Variants in ITGB5 observed in about 807,000 individuals in gnomAD.
The protein encoded by ITGB5 is integrin subunit beta 5.
In ITGB5, 38 loss-of-function variants were observed where a neutral mutation model predicts 84.8. That is an observed-to-expected ratio of 0.45 (90% CI 0.35 to 0.59). ITGB5 has a LOEUF of 0.59. Among genes scored for constraint, ITGB5 ranks in the 20% least tolerant of loss-of-function variants. The pLI is 0.01. For missense variants in ITGB5, 905 were observed against 1,034.5 expected, an observed-to-expected ratio of 0.87 and a Z score of 1.72; for synonymous variants, 393 against 414.4, an observed-to-expected ratio of 0.95 and a Z score of 0.63.
intron 1 of ITGB5, among the ~76,000 whole-genome samples, chr3:124,885,680 A>G (rs1441213125): frequency 6.6e-6 from 1 of 152,232 alleles, no homozygotes; most frequent in Admixed American, 6.5e-5. Flanking sequence ...CCATGAAAAT[A>G]TCCGTGATGG....
chr3:124,874,777 G>C (rs1934230495), intron 1 of ITGB5, among the ~76,000 whole-genome samples: 1 of 152,146 alleles, frequency 6.6e-6, no homozygotes, highest in Non-Finnish European at 1.5e-5. Flanking sequence ...TTCAATAAAT[G>C]GTTTTAGGAC....
rs1393234858 is a variant in ITGB5, at chr3:124,857,172, T to C, written c.361+2070A>G. On this transcript the variant is annotated intron_variant, in intron 3 of 14. Transcript: ENST00000296181. ...GACTTGGAGCTTTCTTTAAAAACTCTTGGTGCAGACCATACAATGATAACC... is the reference window on the plus strand; with the variant it reads ...GACTTGGAGCTTTCTTTAAAAACTCCTGGTGCAGACCATACAATGATAACC... 2.0e-5 allele frequency: 3 copies of C among 152,226 alleles called. No homozygotes were observed. The East Asian group carries it at 5.8e-4, about 29-fold the overall frequency. 9.4% of individuals were successfully genotyped at this position (152,226 alleles called of 1,614,324 possible).
Position 124,887,071 on chromosome 3 carries a change from G to T in ITGB5, c.-71C>A. On this transcript the variant is annotated 5_prime_UTR_variant, in exon 1 of 15. Transcript: ENST00000296181. ...GGGGCCGGCGGCCGGGGCTGGGGCCGGAGCGCGGGGGCCGAGGGCCGGGGG... is the reference window on the plus strand; with the variant it reads ...GGGGCCGGCGGCCGGGGCTGGGGCCTGAGCGCGGGGGCCGAGGGCCGGGGG... 3.3e-6 allele frequency: 2 copies of T among 614,604 alleles called. No individual in the cohort carries two copies. Among genetic ancestry groups the T allele is most frequent in the Non-Finnish European group, 4.1e-6 (2 of 491,788 alleles). The allele number at this position is 614,604 out of a possible 1,614,324, so 38.1% of individuals were successfully genotyped here.
chr3:124,860,177 A>C (rs2107618966), intron 2 of ITGB5, among the ~76,000 whole-genome samples: 1 of 152,338 alleles, frequency 6.6e-6, no homozygotes, highest in East Asian at 1.9e-4. Context: ...ACTCTATGTG[A>C]TATATACGGC....
intron 2 of ITGB5, among the ~76,000 whole-genome samples, chr3:124,865,565 C>A (rs1316899270): frequency 1.4e-5 from 2 of 142,032 alleles, no homozygotes; most frequent in African/African-American, 2.7e-5. Flanking sequence ...CCACTCACTG[C>A]AGCTTCAACT....
chr3:124,890,490 C>T (rs1013906805), upstream of ITGB5, among the ~76,000 whole-genome samples: 8 of 152,116 alleles, frequency 5.3e-5, no homozygotes, highest in East Asian at 1.9e-4. Flanking sequence ...TGAGCCACCG[C>T]GCCCGGCCTT....
chr3:124,883,758 T>C (rs1031942310), intron 1 of ITGB5, among the ~76,000 whole-genome samples: 1 of 152,370 alleles, frequency 6.6e-6, no homozygotes, highest in Admixed American at 6.5e-5. Flanking sequence ...ATCCTCTTTA[T>C]AAGACGGTGT....
intron 10 of ITGB5, among the ~76,000 whole-genome samples, chr3:124,796,025 C>A (rs1422726325): frequency 1.3e-5 from 2 of 152,186 alleles, no homozygotes; most frequent in Non-Finnish European, 1.5e-5. Flanking sequence ...GGACAGATGG[C>A]CACTGCCAGC....
intron 1 of ITGB5, among the ~76,000 whole-genome samples, chr3:124,881,212 G>C (rs1210780931): frequency 1.3e-5 from 2 of 152,078 alleles, no homozygotes; most frequent in African/African-American, 4.8e-5. Context: ...TCGAACTCCT[G>C]ACCTCAGGTA....
chr3:124,812,570 G>GC lies in ITGB5; in HGVS notation c.1129-3415dup, dbSNP rs3836314. ...CCTTTCTGGGTGCAACATGAGGCCAGCCCCCTCTGCACGTGTGGACCCAGG... is the reference window on the plus strand; with the variant it reads ...CCTTTCTGGGTGCAACATGAGGCCAGCCCCCCTCTGCACGTGTGGACCCAGG... On this transcript the variant is annotated intron_variant, in intron 8 of 14. Coordinates refer to ENST00000296181, the MANE Select transcript of ITGB5 (RefSeq NM_002213.5). 5.4e-3 allele frequency among the ~76,000 whole-genome samples: 823 copies of GC among 152,302 alleles called. 45 individuals are homozygous for GC. In the East Asian group the frequency reaches 0.12, roughly 22 times the overall value.
In ITGB5 at chr3:124,873,475, G is replaced by A; in HGVS notation, c.127C>T (p.His43Tyr). 3 of 1,613,680 alleles carry A rather than the reference G, an allele frequency of 1.9e-6. No individual in the cohort carries two copies. Among genetic ancestry groups the A allele is most frequent in the Non-Finnish European group, 2.5e-6 (3 of 1,179,690 alleles). Residue 43 changes from histidine (H) to tyrosine (Y), a missense_variant, in exon 2 of 15, where the codon CAC becomes TAC. Coordinates refer to ENST00000296181, the MANE Select transcript of ITGB5 (RefSeq NM_002213.5). Reference protein sequence around the residue: ...ATSCEECLLIHPKCAWCSKED... With the variant: ...ATSCEECLLIYPKCAWCSKED... ...TTGGAGCACCAGGCACATTTTGGGT[G>A]GATTAGCAGACATTCTTCACATGAG...
intron 9 of ITGB5, among the ~76,000 whole-genome samples, chr3:124,805,594 G>A (rs953353709): frequency 6.6e-6 from 1 of 152,124 alleles, no homozygotes; most frequent in Non-Finnish European, 1.5e-5. Context: ...TGGGACCACA[G>A]GTGTGCGCTA....
chr3:124,870,885 C>T (rs1054589460), intron 2 of ITGB5, among the ~76,000 whole-genome samples: 3 of 151,950 alleles, frequency 2.0e-5, no homozygotes, highest in African/African-American at 7.3e-5. Flanking sequence ...TGAGGTTAAA[C>T]TGATTAATTT....
chr3:124,858,281 C>G (rs990924326), intron 3 of ITGB5, among the ~76,000 whole-genome samples: 3 of 152,088 alleles, frequency 2.0e-5, no homozygotes, highest in African/African-American at 7.2e-5. Context: ...TTGCAGGGCC[C>G]CATGGTCACA....
At chr3:124,820,545 G>A (rs1171601743) in intron 6 of ITGB5, among the ~76,000 whole-genome samples, 4 of 152,136 alleles carry the variant, frequency 2.6e-5, no homozygotes, top group African/African-American at 9.7e-5. Flanking sequence ...AAGATGGAAG[G>A]CTTGGGCACT....
intron 3 of ITGB5, among the ~76,000 whole-genome samples, 161 bp from the exon 4 acceptor site, chr3:124,848,719 G>A (rs188975350): frequency 2.6e-5 from 4 of 152,300 alleles, no homozygotes; most frequent in Admixed American, 6.5e-5. Flanking sequence ...AAGGGAATAC[G>A]GTGCTGAGAA....
chr3:124,765,642 C>T (rs1303828179), intron 13 of ITGB5, among the ~76,000 whole-genome samples: 1 of 152,202 alleles, frequency 6.6e-6, no homozygotes, highest in Non-Finnish European at 1.5e-5. Flanking sequence ...TCTATAACTC[C>T]CATTGCCCTG....
At chr3:124,886,898 G>A (rs1471679755) in intron 1 of ITGB5, 33 bp downstream of exon 1, 1 of 1,200,560 alleles carries the variant, frequency 8.3e-7, no homozygotes, top group African/African-American at 1.6e-5. Context: ...GTGCGACAAA[G>A]TTTCTCTGGG....
intron 1 of ITGB5, 141 bp downstream of exon 1, chr3:124,886,790 C>T (rs1934834041): frequency 5.5e-6 from 2 of 360,618 alleles, no homozygotes; most frequent in Non-Finnish European, 9.2e-6. Context: ...GGCTGTCCCC[C>T]AGCGACTGGC....
Sources: allele counts gnomAD v4.1 joint callset (sites outside exome capture counted in the v4.1 genomes callset), GRCh38; gene constraint gnomAD v4.1.1; transcripts MANE v1.5; gene names NCBI Gene and HGNC (gene_info 2026-07-23, HGNC 2026-07-21).